CCSER2: variants seen among roughly 807,000 people sequenced by gnomAD.
CCSER2 encodes the protein coiled-coil serine rich protein 2, also known as serine-rich coiled-coil domain-containing protein 2.
A neutral mutation model predicts 92.3 loss-of-function variants in CCSER2; 46 were observed. That is an observed-to-expected ratio of 0.50 (90% CI 0.39 to 0.64). CCSER2 has a LOEUF of 0.64. Among genes scored for constraint, CCSER2 ranks in the 30% least tolerant of loss-of-function variants. The pLI, the probability that CCSER2 is intolerant of heterozygous loss-of-function variation, is 0.00. For synonymous variants in CCSER2, 433 were observed against 431.4 expected, an observed-to-expected ratio of 1.00 and a Z score of -0.04; for missense variants, 1,244 against 1,238.9, an observed-to-expected ratio of 1.00 and a Z score of -0.06.
intron 9 of CCSER2, among the ~76,000 whole-genome samples, chr10:84,485,831 T>C (rs1441361213): frequency 6.6e-6 from 1 of 152,204 alleles, no homozygotes; most frequent in Non-Finnish European, 1.5e-5. Context: ...GCCATGTTGG[T>C]GTGCTGCACC....
intron 3 of CCSER2, chr10:84,374,102 T>G: frequency 1.7e-6 from 1 of 602,122 alleles, no homozygotes; most frequent in South Asian, 2.8e-5. Flanking sequence ...TCTCAAAGAC[T>G]GGGGGAGGAG....
chr10:84,409,666 AT>A (rs1352482081), intron 3 of CCSER2, among the ~76,000 whole-genome samples: 1 of 152,026 alleles, frequency 6.6e-6, no homozygotes, highest in African/African-American at 2.4e-5. Context: ...CATAAGGAAC[AT>A]TTTGGAGTTA....
rs1187061155 is a variant in CCSER2, at chr10:84,513,534, C to T, written c.2411C>T (p.Ala804Val). ...GKLIKPQRIEARSECSIQDMH... is the reference protein window; with the variant it reads ...GKLIKPQRIEVRSECSIQDMH... Reference sequence around the variant, plus strand: ...CTAATAAAGCCACAACGTATCGAGGCCCGCAGTGAATGCTCAATCCAAGAC... The same window carrying T: ...CTAATAAAGCCACAACGTATCGAGGTCCGCAGTGAATGCTCAATCCAAGAC... Residue 804 changes from alanine to valine, a missense_variant, in exon 10 of 10, where the codon GCC (alanine) becomes GTC (valine). Transcript: ENST00000372088. 5.0e-6 allele frequency: 8 copies of T among 1,614,084 alleles called. No individual in the cohort carries two copies. In the Admixed American group the frequency reaches 5.0e-5, roughly 10 times the overall value.
chr10:84,344,030 T>C (rs1844346124), intron 1 of CCSER2, among the ~76,000 whole-genome samples: 1 of 152,220 alleles, frequency 6.6e-6, no homozygotes, highest in African/African-American at 2.4e-5. Flanking sequence ...TGGCATAATA[T>C]GCTGATGCTT....
At chr10:84,508,218 T>C (rs1413577595) in intron 9 of CCSER2, among the ~76,000 whole-genome samples, 1 of 152,228 alleles carries the variant, frequency 6.6e-6, no homozygotes, top group Non-Finnish European at 1.5e-5. Context: ...ACAGTATGTT[T>C]CACCTAGGGG....
chr10:84,354,742 T>TGACC (rs1435286302), intron 1 of CCSER2, among the ~76,000 whole-genome samples: 1 of 151,788 alleles, frequency 6.6e-6, no homozygotes, highest in Non-Finnish European at 1.5e-5. Context: ...CAGACTCCTT[T>TGACC]GACCGGTAAA....
intron 9 of CCSER2, among the ~76,000 whole-genome samples, chr10:84,481,113 C>T (rs1847430924): frequency 6.6e-6 from 1 of 151,854 alleles, no homozygotes; most frequent in South Asian, 2.1e-4. Context: ...TGTTTGATGT[C>T]ATTAGTTTAT....
chr10:84,391,218 G>GA, intron 3 of CCSER2: 1 of 1,104,520 alleles, frequency 9.1e-7, no homozygotes, highest in South Asian at 1.2e-5. Flanking sequence ...CTGTGTAAGA[G>GA]ACAATGAGGA....
intron 8 of CCSER2, among the ~76,000 whole-genome samples, chr10:84,472,634 T>C (rs534836878): frequency 1.3e-5 from 2 of 152,124 alleles, no homozygotes; most frequent in East Asian, 3.9e-4. Context: ...AATATTAGGA[T>C]TGCAATAGTA....
chr10:84,467,062 A>G (rs945744534), intron 7 of CCSER2, among the ~76,000 whole-genome samples: 12 of 152,208 alleles, frequency 7.9e-5, no homozygotes, highest in Admixed American at 5.2e-4. Context: ...AGTAAATCAA[A>G]TACACTTTTT....
chr10:84,412,839 G>A (rs746387629), intron 3 of CCSER2, among the ~76,000 whole-genome samples: 1 of 152,142 alleles, frequency 6.6e-6, no homozygotes, highest in Non-Finnish European at 1.5e-5. Flanking sequence ...CCCTGCCTCA[G>A]CTTCTCTTCC....
chr10:84,446,063 T>G (rs1701149506), intron 6 of CCSER2, among the ~76,000 whole-genome samples: 1 of 152,208 alleles, frequency 6.6e-6, no homozygotes, highest in Non-Finnish European at 1.5e-5. Flanking sequence ...ACCCACTCTT[T>G]CCCTTTCTCA....
At chr10:84,427,823 C>T (rs1312967616) in intron 5 of CCSER2, among the ~76,000 whole-genome samples, 4 of 152,188 alleles carry the variant, frequency 2.6e-5, no homozygotes, top group African/African-American at 9.7e-5. Context: ...TGAAACCTAG[C>T]TCTTTCCCAA....
At chr10:84,364,752 T>G (rs1481209224) in intron 1 of CCSER2, among the ~76,000 whole-genome samples, 1 of 151,470 alleles carries the variant, frequency 6.6e-6, no homozygotes. Context: ...TTTTGTTTTT[T>G]TTTTTTTGAG....
chr10:84,451,623 C>T (rs1255911650), intron 6 of CCSER2, among the ~76,000 whole-genome samples: 1 of 151,954 alleles, frequency 6.6e-6, no homozygotes, highest in Non-Finnish European at 1.5e-5. Flanking sequence ...AACAAACCTA[C>T]AGGAAGGGAT....
rs145260030 is a variant in CCSER2, at chr10:84,440,486, A to G, written c.2064+1779A>G. On this transcript the variant is annotated intron_variant, in intron 6 of 9. Transcript: ENST00000372088. ...TAGTTTTCAAAAAAATTCATACACT[A>G]TTCGAAGGCTTAATGAAAAAAACAG... Among the ~76,000 whole-genome samples, 7 of 152,300 alleles carry G rather than the reference A, an allele frequency of 4.6e-5. No individual in the cohort carries two copies. In the East Asian group the frequency reaches 1.3e-3, roughly 29 times the overall value.
intron 9 of CCSER2, among the ~76,000 whole-genome samples, chr10:84,479,164 C>T (rs1847319659): frequency 6.6e-6 from 1 of 152,158 alleles, no homozygotes; most frequent in African/African-American, 2.4e-5. Flanking sequence ...TCCTCCTCAT[C>T]AGACAAAAGT....
intron 6 of CCSER2, among the ~76,000 whole-genome samples, chr10:84,445,346 G>A (rs529868832): frequency 6.6e-6 from 1 of 152,180 alleles, no homozygotes; most frequent in African/African-American, 2.4e-5. Context: ...GAAGAGACGG[G>A]GTTTCACCAT....
chr10:84,332,412 T>TTATATATATATA (rs1554828778), intron 1 of CCSER2, among the ~76,000 whole-genome samples: 12 of 82,272 alleles, frequency 1.5e-4, no homozygotes, highest in South Asian at 4.9e-4. Context: ...ATTTATTTTT[T>TTATATATATATA]TATATATATA....
Sources: allele counts gnomAD v4.1 joint callset (sites outside exome capture counted in the v4.1 genomes callset), GRCh38; gene constraint gnomAD v4.1.1; transcripts MANE v1.5; gene names NCBI Gene and HGNC (gene_info 2026-07-23, HGNC 2026-07-21).